The following FREM2 variants were observed in gnomAD, a reference collection of about 807,000 sequenced individuals.
FREM2 encodes the protein FRAS1-related extracellular matrix protein 2.
A neutral mutation model predicts 219.9 loss-of-function variants in FREM2; 119 were observed. That is an observed-to-expected ratio of 0.54 (90% confidence interval 0.47 to 0.63). FREM2 has a LOEUF of 0.63. FREM2 is among the 30% of genes least tolerant of loss of function. The probability of loss-of-function intolerance (pLI) is 0.00; values close to 1 mark genes in which losing one functional copy is unlikely to be tolerated. For synonymous variants in FREM2, 1,562 were observed against 1,522.8 expected (o/e 1.03, Z -0.60); for missense variants, 4,030 against 3,993.6 (o/e 1.01, Z -0.25).
chr13:38,815,076 G>C (rs1875711714), intron 6 of FREM2, among the ~76,000 whole-genome samples: 2 of 152,286 alleles, frequency 1.3e-5, no homozygotes, highest in South Asian at 2.1e-4. Flanking sequence ...GGCAGAGCTG[G>C]TGCTGATTTT....
At position 38,784,616 on chromosome 13, in the gene FREM2, C is replaced by A; in HGVS notation, c.5827C>A (p.Pro1943Thr). 2 of 1,614,084 alleles carry A rather than the reference C, an allele frequency of 1.2e-6. No individual in the cohort carries two copies. The highest frequency in any genetic ancestry group is 1.7e-6 in the Non-Finnish European group (2 of 1,179,940). ...GTCTTACTCTGATTACATATCCAGG[C>A]CTGAGGACCACACCAGTGTTGTCCG... ...VLSYSDYISRPEDHTSVVRFD... is the reference protein window; with the variant it reads ...VLSYSDYISRTEDHTSVVRFD... The change falls in exon 6 of 24, where the codon CCT becomes ACT. Residue 1943 changes from proline (P) to threonine (T), a missense_variant. By Grantham distance (38) the Pro-to-Thr change is conservative (BLOSUM62 -1). Around this residue, in one of 2 missense-constraint regions of FREM2, gnomAD observed 3,102 missense variants for 2,950.7 expected, o/e 1.05. Transcript: ENST00000280481.
intron 2 of FREM2, among the ~76,000 whole-genome samples, chr13:38,749,200 A>G (rs1872606507): frequency 6.6e-6 from 1 of 152,162 alleles, no homozygotes; most frequent in South Asian, 2.1e-4. Context: ...AAACTTTGAC[A>G]CAGTTTGGTG....
chr13:38,693,911 T>A (rs1870002306), intron 1 of FREM2, among the ~76,000 whole-genome samples: 1 of 152,106 alleles, frequency 6.6e-6, no homozygotes, highest in African/African-American at 2.4e-5. Flanking sequence ...TAGGAAACTT[T>A]TATGTGAAGG....
In FREM2 at chr13:38,691,417, C is replaced by T. The variant is rs1869849965; in HGVS notation, c.4073C>T (p.Thr1358Ile). 1 of 1,614,058 alleles carries T rather than the reference C, an allele frequency of 6.2e-7. No individual in the cohort carries two copies. The highest frequency in any genetic ancestry group is 1.3e-5 in the African/African-American group (1 of 74,920). Residue 1358 changes from threonine to isoleucine, a missense_variant, in exon 1 of 24, where the codon ACT becomes ATT. Coordinates refer to ENST00000280481, the MANE Select transcript of FREM2 (RefSeq NM_207361.6). ...GGCTTATTACAGAGACGAAAACCTA[C>T]TGGTGCCTTTGAAAATATCACACTG... ...GHGLLQRRKP[T>I]GAFENITLGM...
chr13:38,864,837 A>G (rs1490651321), intron 16 of FREM2, among the ~76,000 whole-genome samples: 1 of 152,154 alleles, frequency 6.6e-6, no homozygotes, highest in Non-Finnish European at 1.5e-5. Context: ...CATTATATCT[A>G]TGTGAAAAGG....
rs1473015790 is a variant in FREM2 at position 38,689,591 on chromosome 13, A to T, written c.2247A>T (p.Thr749=). The change falls in exon 1 of 24, where the codon ACA becomes ACT. Residue 749 remains threonine, a synonymous_variant. Transcript: ENST00000280481. The part of the protein sequence containing the change: ...RYTVTQPPTD[T]DENHLPAPLG... Reference sequence around the variant, plus strand: ...CAGTGACTCAGCCCCCCACAGACACAGACGAAAATCACCTGCCAGCCCCAC... The same window carrying T: ...CAGTGACTCAGCCCCCCACAGACACTGACGAAAATCACCTGCCAGCCCCAC... 4 of 1,613,060 alleles carry T rather than the reference A, an allele frequency of 2.5e-6. No homozygotes were observed. Among genetic ancestry groups the T allele is most frequent in the Non-Finnish European group, 2.5e-6 (3 of 1,179,408 alleles).
chr13:38,698,137 T>C (rs1870193373), intron 2 of FREM2, among the ~76,000 whole-genome samples: 2 of 152,208 alleles, frequency 1.3e-5, no homozygotes, highest in African/African-American at 4.8e-5. Context: ...GCAGTTCCAC[T>C]CATAGCCATG....
chr13:38,787,740 A>G (rs1874387973), intron 6 of FREM2, among the ~76,000 whole-genome samples: 1 of 149,544 alleles, frequency 6.7e-6, no homozygotes, highest in Non-Finnish European at 1.5e-5. Context: ...ATTGTTATTT[A>G]TTAATGTTAT....
At chr13:38,860,988 G>A (rs1047262283) in intron 14 of FREM2, among the ~76,000 whole-genome samples, 8 of 152,120 alleles carry the variant, frequency 5.3e-5, no homozygotes, top group Admixed American at 3.3e-4. Context: ...TCACTTATAA[G>A]TAATGTAAAC....
intron 7 of FREM2, 97 bp downstream of exon 7, chr13:38,846,819 A>G: frequency 7.4e-7 from 1 of 1,356,288 alleles, no homozygotes; most frequent in East Asian, 2.3e-5. Context: ...CTTCTATTAA[A>G]GCAGTTGGCT....
At chr13:38,713,774 C>G (rs1870873719) in intron 2 of FREM2, among the ~76,000 whole-genome samples, 1 of 152,208 alleles carries the variant, frequency 6.6e-6, no homozygotes, top group African/African-American at 2.4e-5. Context: ...TGTATTTCTT[C>G]ATCCCAAAGT....
chr13:38,786,696 T>C (rs1042588187), intron 6 of FREM2, among the ~76,000 whole-genome samples: 76 of 152,290 alleles, frequency 5.0e-4, no homozygotes, highest in African/African-American at 1.8e-3. Context: ...CAAAAAAATC[T>C]TTCCTGTATG....
chr13:38,784,238 C>G (rs965769301), intron 5 of FREM2, among the ~76,000 whole-genome samples: 2 of 152,228 alleles, frequency 1.3e-5, no homozygotes, highest in African/African-American at 4.8e-5. Context: ...ATTTGAAGCA[C>G]TTGGCACTTT....
intron 2 of FREM2, among the ~76,000 whole-genome samples, chr13:38,703,818 T>C (rs1870433644): frequency 6.6e-6 from 1 of 152,186 alleles, no homozygotes; most frequent in Admixed American, 6.5e-5. Flanking sequence ...TGGGTGACAA[T>C]GAATTCTTGT....
chr13:38,754,895 G>GTTGATT (rs1872927735), intron 2 of FREM2, among the ~76,000 whole-genome samples: 1 of 99,774 alleles, frequency 1.0e-5, no homozygotes, highest in Non-Finnish European at 2.1e-5. Context: ...TGATGATGAT[G>GTTGATT]ATGATGATTA....
In FREM2 at chr13:38,697,657, A is replaced by C. The variant is rs567222712; in HGVS notation, c.5174-41A>C. 15 of 1,124,820 alleles carry C rather than the reference A, an allele frequency of 1.3e-5. No individual in the cohort carries two copies. In the South Asian group the frequency reaches 1.9e-4, roughly 14 times the overall value. 69.7% of individuals were successfully genotyped at this position (1,124,820 alleles called of 1,614,324 possible). ...TTTACCATAATGAATCATCAATTTT[A>C]CTCTGGTAATTAATCATCTTGTTTT... is the stretch of plus-strand genomic sequence containing the variant. On this transcript the variant is annotated intron_variant, in intron 1 of 23. Transcript: ENST00000280481.
At chr13:38,753,527 T>A (rs1386581833) in intron 2 of FREM2, among the ~76,000 whole-genome samples, 1 of 152,244 alleles carries the variant, frequency 6.6e-6, no homozygotes, top group Non-Finnish European at 1.5e-5. Context: ...ACACACATAA[T>A]CATTTCTTGA....
At chr13:38,771,747 G>A (rs915979308) in intron 4 of FREM2, among the ~76,000 whole-genome samples, 2 of 152,022 alleles carry the variant, frequency 1.3e-5, no homozygotes, top group Admixed American at 1.3e-4. Context: ...CATAATGCTT[G>A]GTATGCTCTG....
At chr13:38,793,348 T>G (rs1201327934) in intron 6 of FREM2, among the ~76,000 whole-genome samples, 2 of 152,218 alleles carry the variant, frequency 1.3e-5, no homozygotes, top group South Asian at 4.1e-4. Flanking sequence ...AAATGTTATT[T>G]TCTAGCTGAA....
Sources: allele counts gnomAD v4.1 joint callset (sites outside exome capture counted in the v4.1 genomes callset), GRCh38; gene constraint gnomAD v4.1.1; regional missense constraint gnomAD v4.1.1; transcripts MANE v1.5; gene names NCBI Gene and HGNC (gene_info 2026-07-23, HGNC 2026-07-21).